Variants in CDH3 observed in about 807,000 individuals in gnomAD.
The protein encoded by CDH3 is cadherin 3, also known as cadherin-3.
Under a neutral mutation model 82.0 loss-of-function variants are expected in CDH3, and 54 were observed. The observed-to-expected ratio is 0.66, with a 90% CI of 0.53 to 0.83. CDH3 has a LOEUF of 0.83. CDH3 is among the 40% of genes least tolerant of loss of function. The probability of loss-of-function intolerance (pLI) is 0.00; values close to 1 mark genes in which losing one functional copy is unlikely to be tolerated. For synonymous variants in CDH3, 446 were observed against 437.9 expected (o/e 1.02, Z -0.23); for missense variants, 1,054 against 1,084.6 (o/e 0.97, Z 0.40).
intron 2 of CDH3, among the ~76,000 whole-genome samples, chr16:68,671,922 G>C (rs946502680): frequency 6.6e-6 from 1 of 152,126 alleles, no homozygotes; most frequent in African/African-American, 2.4e-5. Context: ...GAATTTTGGA[G>C]GGACACAACT....
intron 2 of CDH3, among the ~76,000 whole-genome samples, chr16:68,671,853 G>A (rs1960891582): frequency 6.6e-6 from 1 of 151,988 alleles, no homozygotes; most frequent in Non-Finnish European, 1.5e-5. Flanking sequence ...CCTCTTTAAG[G>A]TCCCTGTCTT....
Position 68,682,294 on chromosome 16 carries a change from A to G in CDH3, c.997-8A>G, listed in dbSNP as rs1961250346. The G allele has an allele frequency of 1.9e-6, 3 of 1,613,200 alleles. No individual in the cohort carries two copies. The highest frequency in any genetic ancestry group is 2.5e-6 in the Non-Finnish European group (3 of 1,179,786). ...GCTCTGATAGTGCTGTGCTTCTCACACTGACAGTACGAGGCCCATGTGCCT... is the reference window on the plus strand; with the variant it reads ...GCTCTGATAGTGCTGTGCTTCTCACGCTGACAGTACGAGGCCCATGTGCCT... On this transcript the variant is annotated splice_polypyrimidine_tract_variant and splice_region_variant and intron_variant, in intron 8 of 15. Transcript: ENST00000264012.
At chr16:68,705,263 G>A (rs1961945694), downstream of CDH3, among the ~76,000 whole-genome samples, 1 of 152,124 alleles carries the variant, frequency 6.6e-6, no homozygotes, top group Non-Finnish European at 1.5e-5. Context: ...CTTCCTGCAA[G>A]GTGGAGTTGG....
chr16:68,729,153 A>C (rs946144769), downstream of CDH3, among the ~76,000 whole-genome samples: 2 of 152,074 alleles, frequency 1.3e-5, no homozygotes, highest in Non-Finnish European at 2.9e-5. Flanking sequence ...AAAAATACAA[A>C]AATTAGCTGC....
intron 9 of CDH3, among the ~76,000 whole-genome samples, chr16:68,683,374 G>A (rs1961283155): frequency 6.6e-6 from 1 of 151,936 alleles, no homozygotes; most frequent in East Asian, 1.9e-4. Flanking sequence ...AATCCAGACC[G>A]GGTGCTGTGG....
intron 11 of CDH3, chr16:68,686,591 CT>C (rs949451912): frequency 1.6e-6 from 2 of 1,230,188 alleles, no homozygotes; most frequent in African/African-American, 2.9e-5. Context: ...AGATAAAGTT[CT>C]TCTTCCAGAA....
chr16:68,694,515 G>A (rs140239193), intron 13 of CDH3, among the ~76,000 whole-genome samples: 368 of 149,498 alleles, frequency 2.5e-3, no homozygotes, highest in South Asian at 5.9e-3. Context: ...CCAGCTACTG[G>A]GGAGGCTGAG....
intron 1 of CDH3, among the ~76,000 whole-genome samples, chr16:68,715,055 T>C (rs10852449): frequency 0.94 from 142,489 of 152,090 alleles, 66,878 homozygotes; most frequent in East Asian, 1. Context: ...TACTATTAGC[T>C]CCATTTTACG....
chr16:68,703,320 G>C (rs1379493878), downstream of CDH3, among the ~76,000 whole-genome samples: 5 of 152,108 alleles, frequency 3.3e-5, no homozygotes, highest in Non-Finnish European at 7.3e-5. Flanking sequence ...ACTCACTTCC[G>C]GGCCCACAAA....
At chr16:68,687,835 G>A (rs1415161325) in intron 12 of CDH3, 99 bp downstream of exon 12, 3 of 822,962 alleles carry the variant, frequency 3.6e-6, no homozygotes, top group Non-Finnish European at 6.2e-6. Context: ...CTAGCATCTT[G>A]TGGGCCATGG....
downstream of CDH3, among the ~76,000 whole-genome samples, chr16:68,701,977 T>C (rs1961902817): frequency 6.6e-6 from 1 of 151,900 alleles, no homozygotes; most frequent in African/African-American, 2.4e-5. Context: ...TGAACCAAGA[T>C]TGTGCCATTG....
intron 2 of CDH3, among the ~76,000 whole-genome samples, chr16:68,652,889 C>G (rs1046836335): frequency 1.3e-5 from 2 of 152,192 alleles, no homozygotes; most frequent in Non-Finnish European, 2.9e-5. Flanking sequence ...CTAGTTGATT[C>G]TCATTGTATA....
downstream of CDH3, among the ~76,000 whole-genome samples, chr16:68,730,556 G>C (rs1294721657): frequency 1.3e-5 from 2 of 152,040 alleles, no homozygotes; most frequent in Non-Finnish European, 2.9e-5. Flanking sequence ...AAAAAAAATT[G>C]TTTAAAAGAC....
At position 68,651,956 on chromosome 16, in the gene CDH3, G is replaced by C. The variant is rs550050570; in HGVS notation, c.160+6206G>C. On this transcript the variant is annotated intron_variant, in intron 2 of 15. Transcript: ENST00000264012. ...CCTTGTTGAATTGCATGGAGAATACGGCTGGCAGGTGCGGTGGCAGGACAG... is the reference window on the plus strand; with the variant it reads ...CCTTGTTGAATTGCATGGAGAATACCGCTGGCAGGTGCGGTGGCAGGACAG... 4.5e-4 allele frequency: 151 copies of C among 332,246 alleles called. 3 individuals are homozygous for C. The highest frequency in any genetic ancestry group is 4.0e-3 in the South Asian group (143 of 35,488). The allele number at this position is 332,246 out of a possible 1,614,324, so 20.6% of individuals were successfully genotyped here.
intron 9 of CDH3, 120 bp downstream of exon 9, chr16:68,682,607 C>T (rs1302619749): frequency 1.1e-6 from 1 of 899,490 alleles, no homozygotes. Flanking sequence ...CCCAGTGGCT[C>T]CCAACACTGT....
intron 2 of CDH3, among the ~76,000 whole-genome samples, chr16:68,667,410 C>T (rs999501090): frequency 1.3e-5 from 2 of 152,170 alleles, no homozygotes; most frequent in East Asian, 3.9e-4. Flanking sequence ...AGTCAAAATA[C>T]CCAGAGATCA....
intron 2 of CDH3, among the ~76,000 whole-genome samples, chr16:68,653,694 T>TC (rs201577600): frequency 3.0e-4 from 44 of 148,384 alleles, no homozygotes; most frequent in Non-Finnish European, 4.0e-4. Context: ...TTTCTTTCTT[T>TC]TTTTTTTTTT....
intron 11 of CDH3, among the ~76,000 whole-genome samples, chr16:68,687,233 C>T (rs964548548): frequency 2.0e-5 from 3 of 152,256 alleles, no homozygotes; most frequent in South Asian, 2.1e-4. Context: ...TGAAGCTGAT[C>T]GACAAACACT....
downstream of CDH3, among the ~76,000 whole-genome samples, chr16:68,731,850 AC>A (rs2152112594): frequency 6.6e-6 from 1 of 152,144 alleles, no homozygotes; most frequent in South Asian, 2.1e-4. Context: ...AAACAAACAA[AC>A]AAAAAATTCT....
Sources: gnomAD v4.1 joint callset for allele counts (sites outside exome capture counted in the v4.1 genomes callset) on GRCh38, gnomAD v4.1.1 for gene constraint, MANE v1.5 for transcripts, NCBI Gene and HGNC (gene_info 2026-07-23, HGNC 2026-07-21) for gene names.